SGCD: variants seen among roughly 807,000 people sequenced by gnomAD.
SGCD encodes sarcoglycan delta, also known as delta-sarcoglycan.
A neutral mutation model predicts 36.6 loss-of-function variants in SGCD; 18 were observed. That is an observed-to-expected ratio of 0.49 (90% confidence interval 0.34 to 0.73). SGCD has a LOEUF of 0.73. SGCD is among the 30% of genes least tolerant of loss of function. SGCD has a pLI of 0.01. For missense variants in SGCD, 387 were observed against 346.7 expected, an observed-to-expected ratio of 1.12 and a Z score of -0.92; for synonymous variants, 133 against 130.6, an observed-to-expected ratio of 1.02 and a Z score of -0.12.
chr5:156,464,634 A>G (rs1384215666), intron 3 of SGCD, among the ~76,000 whole-genome samples: 1 of 152,156 alleles, frequency 6.6e-6, no homozygotes, highest in Non-Finnish European at 1.5e-5. Flanking sequence ...GTTGAAATCA[A>G]AGCAATGGTA....
chr5:156,539,028 C>G (rs377258885), intron 4 of SGCD, among the ~76,000 whole-genome samples: 1 of 151,916 alleles, frequency 6.6e-6, no homozygotes, highest in South Asian at 2.1e-4. Context: ...TTTGGCAGAG[C>G]CTTTGGGGAG....
intron 3 of SGCD, among the ~76,000 whole-genome samples, chr5:156,290,786 A>C (rs1766739184): frequency 6.6e-6 from 1 of 152,174 alleles, no homozygotes; most frequent in Non-Finnish European, 1.5e-5. Context: ...AATATAAAAA[A>C]TGGAAAAGAA....
intron 4 of SGCD, among the ~76,000 whole-genome samples, chr5:156,513,217 C>T (rs1039488218): frequency 1.3e-5 from 2 of 152,176 alleles, no homozygotes; most frequent in African/African-American, 4.8e-5. Context: ...GAGGTTATTG[C>T]CAGCTGAAAG....
At chr5:156,449,869 AAAAG>A in intron 3 of SGCD, among the ~76,000 whole-genome samples, 1 of 151,272 alleles carries the variant, frequency 6.6e-6, no homozygotes, top group Admixed American at 6.6e-5. Context: ...AAAAAAAAAA[AAAAG>A]AAACTTTTTC....
chr5:156,377,437 A>C (rs1247952264), intron 3 of SGCD, among the ~76,000 whole-genome samples: 1 of 152,208 alleles, frequency 6.6e-6, no homozygotes, highest in Non-Finnish European at 1.5e-5. Flanking sequence ...ATTAGAGCAA[A>C]TATCACAGCC....
At chr5:156,489,369 T>A (rs1755840397) in intron 3 of SGCD, among the ~76,000 whole-genome samples, 2 of 152,090 alleles carry the variant, frequency 1.3e-5, no homozygotes, top group Non-Finnish European at 2.9e-5. Context: ...ATTTCAGACA[T>A]AATGGACCCA....
the SGCD span, among the ~76,000 whole-genome samples, chr5:155,751,306 T>C: frequency 3.9e-5 from 6 of 152,352 alleles, no homozygotes; most frequent in South Asian, 1.2e-3. Context: ...TTTATACCTC[T>C]TGATCTATGT....
intron 1 of SGCD, among the ~76,000 whole-genome samples, chr5:155,989,155 C>T (rs188727668): frequency 6.6e-6 from 1 of 152,240 alleles, no homozygotes; most frequent in Admixed American, 6.5e-5. Context: ...AAGTTAGCTG[C>T]TATTTGCTTA....
the SGCD span, among the ~76,000 whole-genome samples, chr5:155,815,288 C>A: frequency 0.054 from 8,171 of 152,160 alleles, 502 homozygotes; most frequent in African/African-American, 0.15. Flanking sequence ...AAATTATAAT[C>A]AAAATCTATG....
chr5:156,364,938 G>T lies in SGCD; in HGVS notation c.192+20261G>T, dbSNP rs569581122. Among the ~76,000 whole-genome samples the T allele has an allele frequency of 1.1e-4, 16 of 152,306 alleles. No homozygotes were observed. The South Asian group carries it at 3.3e-3, about 32-fold the overall frequency. ...CTTGGGCATACTACCTGTCGCCTCT[G>T]GGCATCATGGTGCATGTTGGTAAAA... On this transcript the variant is annotated intron_variant, in intron 3 of 8. Coordinates refer to ENST00000337851, the MANE Select transcript of SGCD (RefSeq NM_000337.6).
At chr5:156,755,661 G>A (rs537832676) in intron 7 of SGCD, among the ~76,000 whole-genome samples, 1 of 152,326 alleles carries the variant, frequency 6.6e-6, no homozygotes, top group South Asian at 2.1e-4. Flanking sequence ...ACTGCACCTG[G>A]TTCAGCACAA....
chr5:156,378,231 A>G (rs192468005), intron 3 of SGCD, among the ~76,000 whole-genome samples: 81 of 152,316 alleles, frequency 5.3e-4, no homozygotes, highest in African/African-American at 1.9e-3. Context: ...TGCTAAGTGA[A>G]ATCAGTCATT....
In SGCD at chr5:156,689,472, C is replaced by T. The variant is rs530871918; in HGVS notation, c.575+41936C>T. 1.1e-4 allele frequency among the ~76,000 whole-genome samples: 17 copies of T among 152,168 alleles called. No homozygotes were observed. In the South Asian group the frequency reaches 2.1e-3, roughly 19 times the overall value. On this transcript the variant is annotated intron_variant, in intron 7 of 8. Transcript: ENST00000337851. ...AATATGAGGGATAGGCATCATATCC[C>T]GAAATCTTGGATGAGGCAAAGGAGA... is the stretch of plus-strand genomic sequence containing the variant.
At chr5:156,450,473 A>G (rs1327781957) in intron 3 of SGCD, among the ~76,000 whole-genome samples, 1 of 151,676 alleles carries the variant, frequency 6.6e-6, no homozygotes, top group Non-Finnish European at 1.5e-5. Flanking sequence ...GTCACTCTAC[A>G]TTTTTCTAGC....
intron 3 of SGCD, among the ~76,000 whole-genome samples, chr5:156,374,061 G>C (rs1049394455): frequency 1.3e-5 from 2 of 151,478 alleles, no homozygotes; most frequent in Non-Finnish European, 2.9e-5. Flanking sequence ...GTGATAAGCA[G>C]TAACTCGGAT....
chr5:155,941,413 T>C (rs17053028), intron 1 of SGCD, among the ~76,000 whole-genome samples: 14,299 of 152,006 alleles, frequency 0.094, 759 homozygotes, highest in South Asian at 0.17. Flanking sequence ...GGATAGTAAT[T>C]TTGTGGGAAC....
chr5:156,495,763 T>A (rs1239900535), intron 3 of SGCD, among the ~76,000 whole-genome samples: 1 of 152,192 alleles, frequency 6.6e-6, no homozygotes, highest in Non-Finnish European at 1.5e-5. Flanking sequence ...TCCTCCTTTA[T>A]CAACAATAGC....
intron 6 of SGCD, among the ~76,000 whole-genome samples, chr5:156,609,940 A>G (rs1474791537): frequency 6.6e-6 from 1 of 152,040 alleles, no homozygotes; most frequent in East Asian, 1.9e-4. Context: ...CTAGTTAGCC[A>G]TTTGTCTAAT....
At chr5:156,560,809 G>A (rs953001987) in intron 4 of SGCD, among the ~76,000 whole-genome samples, 2 of 151,768 alleles carry the variant, frequency 1.3e-5, no homozygotes, top group African/African-American at 4.8e-5. Flanking sequence ...TCCTGCCTGT[G>A]TTTTTTTTGG....
Sources: allele counts gnomAD v4.1 joint callset (sites outside exome capture counted in the v4.1 genomes callset), GRCh38; gene constraint gnomAD v4.1.1; transcripts MANE v1.5; gene names NCBI Gene and HGNC (gene_info 2026-07-23, HGNC 2026-07-21).